DGKH: variants seen among roughly 807,000 people sequenced by gnomAD.
The protein encoded by DGKH is diacylglycerol kinase eta, also known as DAG kinase eta.
Under a neutral mutation model 159.3 loss-of-function variants are expected in DGKH, and 90 were observed. The observed-to-expected ratio is 0.57, with a 90% CI of 0.48 to 0.67. The LOEUF (loss-of-function observed/expected upper bound fraction) is 0.67. Among genes scored for constraint, DGKH ranks in the 30% least tolerant of loss-of-function variants. The pLI is 0.00. For missense variants in DGKH, 1,181 were observed against 1,506.1 expected (o/e 0.78, Z 3.57); for synonymous variants, 536 against 553.8 (o/e 0.97, Z 0.45).
intron 1 of DGKH, chr13:42,070,960 C>G: frequency 7.6e-7 from 1 of 1,311,438 alleles, no homozygotes; most frequent in Non-Finnish European, 1.1e-6. Context: ...GATGGCTACT[C>G]TTTTGTCACA....
intron 29 of DGKH, among the ~76,000 whole-genome samples, chr13:42,249,074 T>TA (rs1356249938): frequency 5.3e-5 from 8 of 152,354 alleles, no homozygotes; most frequent in South Asian, 2.1e-4. Context: ...TATTTTGTTT[T>TA]AAAAAAATTA....
At chr13:42,059,759 C>T (rs1018775780) in intron 1 of DGKH, among the ~76,000 whole-genome samples, 1 of 152,078 alleles carries the variant, frequency 6.6e-6, no homozygotes, top group Non-Finnish European at 1.5e-5. Flanking sequence ...ACTTCTTTTG[C>T]AAAGGCCCTT....
chr13:42,078,171 A>T (rs758494217), intron 1 of DGKH, among the ~76,000 whole-genome samples: 21 of 152,358 alleles, frequency 1.4e-4, no homozygotes, highest in Non-Finnish European at 2.2e-4. Flanking sequence ...TGAGCTTTCA[A>T]TGTTGGAAGC....
intron 1 of DGKH, among the ~76,000 whole-genome samples, chr13:42,053,550 ATATATGTATATATATAAC>A (rs1359247101): frequency 2.0e-5 from 2 of 100,300 alleles, no homozygotes; most frequent in South Asian, 3.2e-4. Flanking sequence ...ATATATAACT[ATATATGTATATATATAAC>A]TATATATGTA....
chr13:42,159,047 C>G (rs879702009), intron 5 of DGKH, among the ~76,000 whole-genome samples: 12 of 152,016 alleles, frequency 7.9e-5, no homozygotes, highest in South Asian at 4.1e-4. Context: ...TAGCAGTCTA[C>G]TTATAGCTTT....
intron 3 of DGKH, among the ~76,000 whole-genome samples, chr13:42,150,439 C>A (rs922841614): frequency 6.6e-6 from 1 of 152,108 alleles, no homozygotes; most frequent in East Asian, 1.9e-4. Context: ...ACCAAGTTTG[C>A]AATTTTAAAA....
chr13:42,127,643 C>A, intron 2 of DGKH, 70 bp downstream of exon 2: 1 of 1,250,916 alleles, frequency 8.0e-7, no homozygotes, highest in Non-Finnish European at 1.2e-6. Flanking sequence ...GTTCTGTAAG[C>A]TGTTTTTGTC....
Position 42,051,282 on chromosome 13 carries a change from T to C in DGKH, c.192+2317T>C, listed in dbSNP as rs570794572. On this transcript the variant is annotated intron_variant, in intron 1 of 29. Transcript: ENST00000337343. ...ACAATTTCTCCTATGTTAGAGTGCA[T>C]GTAAGTTCATCAACATTTTCATATA... Among the ~76,000 whole-genome samples, 2 of 152,344 alleles carry C rather than the reference T, an allele frequency of 1.3e-5. 1 individual carries two copies. The highest frequency in any genetic ancestry group is 6.8e-3 in the Middle Eastern group (2 of 294).
intron 3 of DGKH, among the ~76,000 whole-genome samples, chr13:42,142,068 T>G (rs941379311): frequency 4.6e-5 from 7 of 151,812 alleles, no homozygotes; most frequent in African/African-American, 1.7e-4. Context: ...GAATTAATTT[T>G]TGTATAAGGT....
intron 22 of DGKH, 123 bp from the exon 23 acceptor site, chr13:42,209,208 A>T (rs894398929): frequency 9.9e-6 from 14 of 1,409,208 alleles, no homozygotes; most frequent in Non-Finnish European, 1.4e-5. Context: ...TTACCATGTC[A>T]TTTATAAGTG....
intron 29 of DGKH, among the ~76,000 whole-genome samples, chr13:42,250,721 A>G (rs1958614955): frequency 6.6e-6 from 1 of 152,252 alleles, no homozygotes; most frequent in South Asian, 2.1e-4. Context: ...GACAGAAGCC[A>G]GTGCCCATTA....
At chr13:42,100,607 T>G (rs1033488227) in intron 1 of DGKH, among the ~76,000 whole-genome samples, 3 of 152,216 alleles carry the variant, frequency 2.0e-5, no homozygotes, top group African/African-American at 7.2e-5. Context: ...ACAATTTTTT[T>G]TATTAATTGA....
intron 3 of DGKH, among the ~76,000 whole-genome samples, chr13:42,137,452 A>G (rs1955423749): frequency 6.6e-6 from 1 of 152,248 alleles, no homozygotes; most frequent in South Asian, 2.1e-4. Context: ...AATCTGAAAC[A>G]GAGAGGCTAA....
chr13:42,063,949 AT>A (rs57145997), intron 1 of DGKH, among the ~76,000 whole-genome samples: 54,073 of 117,006 alleles, frequency 0.46, 10,946 homozygotes, highest in East Asian at 0.64. Context: ...GAAAAAAAAA[AT>A]ATATATATAT....
chr13:42,222,086 G>A (rs1208146741), intron 29 of DGKH, among the ~76,000 whole-genome samples: 2 of 152,132 alleles, frequency 1.3e-5, no homozygotes, highest in African/African-American at 2.4e-5. Context: ...ATCACCTGAG[G>A]CATTTCCCTT....
At chr13:42,076,355 T>C (rs897316464) in intron 1 of DGKH, among the ~76,000 whole-genome samples, 1 of 152,218 alleles carries the variant, frequency 6.6e-6, no homozygotes, top group Admixed American at 6.5e-5. Context: ...TATGTGCAGC[T>C]GATCTAAAGT....
intron 1 of DGKH, among the ~76,000 whole-genome samples, chr13:42,064,841 A>G (rs559165060): frequency 1.3e-5 from 2 of 152,340 alleles, no homozygotes; most frequent in Non-Finnish European, 2.9e-5. Context: ...GAACACAAAA[A>G]GAAAGTATCC....
At chr13:42,165,879 G>A (rs896859048) in intron 8 of DGKH, among the ~76,000 whole-genome samples, 1 of 152,014 alleles carries the variant, frequency 6.6e-6, no homozygotes, top group African/African-American at 2.4e-5. Context: ...CTAAAGTGCT[G>A]AGGAACCCCT....
Position 42,207,715 on chromosome 13 carries a change from A to ATATATATC in DGKH, c.2602-1243_2602-1242insATATATCT, listed in dbSNP as rs1429229353. ...AGTGTGTATATATATATATATATAT[A>ATATATATC]TCAGTAAAAATGAGAAGTGTTATCA... is the stretch of plus-strand genomic sequence containing the variant. On this transcript the variant is annotated intron_variant, in intron 21 of 29. Transcript: ENST00000337343. 5.6e-4 allele frequency among the ~76,000 whole-genome samples: 82 copies of ATATATATC among 147,746 alleles called. 2 individuals are homozygous for ATATATATC. Among genetic ancestry groups the ATATATATC allele is most frequent in the Admixed American group, 3.7e-3 (55 of 14,810 alleles).
Sources: allele counts gnomAD v4.1 joint callset (sites outside exome capture counted in the v4.1 genomes callset), GRCh38; gene constraint gnomAD v4.1.1; transcripts MANE v1.5; gene names NCBI Gene and HGNC (gene_info 2026-07-23, HGNC 2026-07-21).